The following TSGA10IP variants were observed in gnomAD, a reference collection of about 807,000 sequenced individuals.
The protein encoded by TSGA10IP is testis specific 10 interacting protein, also known as testis-specific protein 10-interacting protein.
In TSGA10IP, 64 loss-of-function variants were observed where a neutral mutation model predicts 63.2. The observed-to-expected ratio is 1.01, with a 90% CI of 0.83 to 1.25. The LOEUF is 1.25. TSGA10IP is among the 50% of genes most tolerant of loss of function. The pLI is 0.00. For synonymous variants in TSGA10IP, 316 were observed against 298.3 expected (o/e 1.06, Z -0.61); for missense variants, 681 against 710.1 (o/e 0.96, Z 0.47).
chr11:65,947,535 G>A lies in TSGA10IP; in HGVS notation c.710G>A (p.Arg237His), dbSNP rs557598765. The change falls in exon 3 of 8, where the codon CGC (arginine) becomes CAC (histidine). Residue 237 changes from arginine (R) to histidine (H), a missense_variant. Coordinates refer to ENST00000532620, the Ensembl canonical transcript of TSGA10IP. ...CTGAGTTCTGGGGTGCTGCCCCAGC[G>A]CCCCAGGAGGGGGTCGATCTCAGAG... 145 of 1,613,724 alleles carry A rather than the reference G, an allele frequency of 9.0e-5. 2 individuals carry two copies. In the South Asian group the frequency reaches 1.4e-3, roughly 15 times the overall value.
chr11:65,956,268 G>C (rs543932210), intron 5 of TSGA10IP, among the ~76,000 whole-genome samples: 4 of 151,728 alleles, frequency 2.6e-5, no homozygotes, highest in Non-Finnish European at 5.9e-5. Context: ...CTTCCGAGTA[G>C]CTGGGATTAC....
At chr11:65,947,796 T>C (rs1008645204) in exon 3 of TSGA10IP, 3 of 1,576,450 alleles carry the variant, frequency 1.9e-6, no homozygotes, top group Middle Eastern at 1.7e-4. Context: ...CTGGAGAAGC[T>C]GCACAGGCAG....
intron 1 of TSGA10IP, among the ~76,000 whole-genome samples, chr11:65,946,360 T>C (rs1456199782): frequency 2.0e-5 from 3 of 152,112 alleles, no homozygotes; most frequent in Non-Finnish European, 4.4e-5. Context: ...GAGCACACAA[T>C]AGGTGCTCAG....
intron 4 of TSGA10IP, among the ~76,000 whole-genome samples, chr11:65,948,469 T>C (rs1041575582): frequency 6.6e-5 from 10 of 152,352 alleles, no homozygotes; most frequent in African/African-American, 2.4e-4. Flanking sequence ...AAGTGATTAA[T>C]GCAACGTTTA....
At chr11:65,947,881 A>G in intron 3 of TSGA10IP, 53 bp downstream of exon 3, 2 of 1,513,554 alleles carry the variant, frequency 1.3e-6, no homozygotes, top group Non-Finnish European at 1.8e-6. Context: ...CGCAGGGAAC[A>G]GGGAGCAGTC....
At chr11:65,948,295 T>C (rs1011784530) in intron 4 of TSGA10IP, 147 bp downstream of exon 4, 15 of 824,282 alleles carry the variant, frequency 1.8e-5, no homozygotes, top group Non-Finnish European at 2.8e-5. Context: ...CATCCATCCA[T>C]CCATCCATCC....
At position 65,948,176 on chromosome 11, in the gene TSGA10IP, C is replaced by G. The variant is rs1204097520; in HGVS notation, c.1151+28C>G. 5.0e-6 allele frequency: 8 copies of G among 1,588,922 alleles called. No homozygotes were observed. The Admixed American group carries it at 1.3e-4, about 25-fold the overall frequency. On this transcript the variant is annotated intron_variant, in intron 4 of 7. Transcript: ENST00000532620. ...AAGAGGGAAGAGAAGGGAGTGGGAG[C>G]CCAGAATGAGAAGTAGAGATGGAGC...
At chr11:65,959,023 G>A (rs1328194133) in intron 6 of TSGA10IP, 41 bp downstream of exon 6, 2 of 1,605,482 alleles carry the variant, frequency 1.2e-6, no homozygotes, top group Non-Finnish European at 1.7e-6. Flanking sequence ...TGCCCCCTGT[G>A]AAGAGCTGGC....
chr11:65,948,092 T>C, exon 4 of TSGA10IP: 1 of 1,596,796 alleles, frequency 6.3e-7, no homozygotes, highest in Middle Eastern at 1.7e-4. Flanking sequence ...ACGATGAAAC[T>C]TTCGTGTCTG....
At chr11:65,958,501 C>T (rs1855062051) in intron 5 of TSGA10IP, among the ~76,000 whole-genome samples, 1 of 152,136 alleles carries the variant, frequency 6.6e-6, no homozygotes, top group Non-Finnish European at 1.5e-5. Flanking sequence ...ACCACAGCTC[C>T]CCCTCAAGGG....
In TSGA10IP at chr11:65,946,993, A is replaced by G. The variant is rs7926657; in HGVS notation, c.261A>G (p.Gly87=). 6,579 of 1,613,974 alleles carry G rather than the reference A, an allele frequency of 4.1e-3. 235 individuals are homozygous for G. The African/African-American group carries it at 0.078, about 19-fold the overall frequency. The stretch of plus-strand genomic sequence containing the variant: ...AGCCCAGGGGCCAGAGCAAGAAAGG[A>G]CAGGGCTCTGAAGAGTCTGAAGAGT... The change falls in exon 2 of 8, where the codon GGA becomes GGG. Residue 87 remains glycine, a synonymous_variant. Coordinates refer to ENST00000532620, the Ensembl canonical transcript of TSGA10IP.
At chr11:65,955,972 C>T (rs1855016753) in intron 5 of TSGA10IP, among the ~76,000 whole-genome samples, 1 of 152,108 alleles carries the variant, frequency 6.6e-6, no homozygotes, top group African/African-American at 2.4e-5. Flanking sequence ...TGACCAAAAC[C>T]AGTGCCATTG....
chr11:65,955,035 C>A (rs1475232684), intron 5 of TSGA10IP, among the ~76,000 whole-genome samples: 2 of 152,178 alleles, frequency 1.3e-5, no homozygotes, highest in Non-Finnish European at 2.9e-5. Context: ...CAATCTCTAC[C>A]TAGGGGTGTG....
rs746632170 is a variant in TSGA10IP, at chr11:65,948,076, C to T, written c.1079C>T (p.Ser360Leu). ...AAGCGGAATGGAAAGGCCTATGCCT[C>T]GGGATACGATGAAACTTTCGTGTCT... The change falls in exon 4 of 8, where the codon TCG (serine) becomes TTG (leucine). Residue 360 changes from serine to leucine, a missense_variant. Ser to Leu is a moderately radical substitution (Grantham distance 145). Coordinates refer to ENST00000532620, the Ensembl canonical transcript of TSGA10IP. 17 of 1,590,148 alleles carry T rather than the reference C, an allele frequency of 1.1e-5. No homozygotes were observed. Among genetic ancestry groups the T allele is most frequent in the Admixed American group, 3.6e-5 (2 of 55,988 alleles).
At chr11:65,948,024 A>G (rs1438916136) in exon 4 of TSGA10IP, 1 of 1,564,530 alleles carries the variant, frequency 6.4e-7, no homozygotes, top group Non-Finnish European at 8.7e-7. Flanking sequence ...GCCCTGGAAG[A>G]CTTTGAGGGC....
chr11:65,945,907 C>G, intron 1 of TSGA10IP, 85 bp downstream of exon 1: 2 of 1,494,518 alleles, frequency 1.3e-6, no homozygotes, highest in East Asian at 2.3e-5. Context: ...CCTTGAGAAG[C>G]CACAAGACCT....
chr11:65,957,585 C>T (rs1302979820), intron 5 of TSGA10IP, among the ~76,000 whole-genome samples: 2 of 152,174 alleles, frequency 1.3e-5, no homozygotes, highest in Non-Finnish European at 2.9e-5. Flanking sequence ...CATGGGTTTT[C>T]AAGTCCATGT....
chr11:65,957,137 C>T (rs2134887181), intron 5 of TSGA10IP, among the ~76,000 whole-genome samples: 1 of 152,262 alleles, frequency 6.6e-6, no homozygotes, highest in East Asian at 1.9e-4. Context: ...CACCACTTCC[C>T]TTTCTGCTCA....
At chr11:65,954,998 A>C (rs1855000720) in intron 5 of TSGA10IP, among the ~76,000 whole-genome samples, 1 of 152,212 alleles carries the variant, frequency 6.6e-6, no homozygotes, top group African/African-American at 2.4e-5. Flanking sequence ...ATGCTCCAAC[A>C]CGCATCACAT....
Sources: allele counts gnomAD v4.1 joint callset (sites outside exome capture counted in the v4.1 genomes callset), GRCh38; gene constraint gnomAD v4.1.1; transcripts MANE v1.5; gene names NCBI Gene and HGNC (gene_info 2026-07-23, HGNC 2026-07-21).